The following ALDH1A2 variants were observed in gnomAD, a reference collection of about 807,000 sequenced individuals.
ALDH1A2 encodes aldehyde dehydrogenase 1 family member A2.
A neutral mutation model predicts 60.3 loss-of-function variants in ALDH1A2; 27 were observed. The ratio of observed to expected loss-of-function variants is 0.45; its 90% CI spans 0.33 to 0.62. ALDH1A2 has a LOEUF of 0.62. Among genes scored for constraint, ALDH1A2 ranks in the 20% least tolerant of loss-of-function variants. ALDH1A2 has a pLI of 0.02. For synonymous variants in ALDH1A2, 289 were observed against 232.4 expected, an observed-to-expected ratio of 1.24 and a Z score of -2.21; for missense variants, 581 against 643.8, an observed-to-expected ratio of 0.90 and a Z score of 1.06.
intron 1 of ALDH1A2, among the ~76,000 whole-genome samples, chr15:58,036,250 T>C (rs2704219): frequency 0.057 from 8,577 of 151,534 alleles, 397 homozygotes; most frequent in African/African-American, 0.13. Flanking sequence ...ATATAATCAA[T>C]ACACTATCAA....
At chr15:58,010,156 AAT>A (rs1198499629) in intron 4 of ALDH1A2, among the ~76,000 whole-genome samples, 1 of 152,186 alleles carries the variant, frequency 6.6e-6, no homozygotes, top group African/African-American at 2.4e-5. Flanking sequence ...CCGTTCGAGA[AAT>A]ATAGAAAGTA....
At chr15:58,030,339 G>C (rs1896201519) in intron 1 of ALDH1A2, among the ~76,000 whole-genome samples, 1 of 151,986 alleles carries the variant, frequency 6.6e-6, no homozygotes, top group African/African-American at 2.4e-5. Flanking sequence ...AAATTCAACA[G>C]CTCTTCATGT....
intron 4 of ALDH1A2, among the ~76,000 whole-genome samples, chr15:57,997,639 A>G (rs1895109395): frequency 6.6e-6 from 1 of 152,026 alleles, no homozygotes; most frequent in African/African-American, 2.4e-5. Context: ...ATGCTTAGAC[A>G]TTTAGTTGTT....
Position 58,002,623 on chromosome 15 carries a change from G to A in ALDH1A2, c.494-7484C>T, listed in dbSNP as rs555866429. On this transcript the variant is annotated intron_variant, in intron 4 of 12. Coordinates refer to ENST00000249750, the MANE Select transcript of ALDH1A2 (RefSeq NM_003888.4). ...GAAATTGAGAAATTTGTCAAATATG[G>A]AAGTCAAATAGCTTCCAATTATAAC... 1.1e-4 allele frequency among the ~76,000 whole-genome samples: 16 copies of A among 151,978 alleles called. No individual in the cohort carries two copies. The South Asian group carries it at 3.1e-3, about 30-fold the overall frequency.
At chr15:58,014,053 C>T in intron 2 of ALDH1A2, 55 bp from the exon 3 acceptor site, 2 of 1,614,024 alleles carry the variant, frequency 1.2e-6, no homozygotes, top group African/African-American at 1.3e-5. Flanking sequence ...AAAGGAAGAA[C>T]CATCCACTGT....
At chr15:58,034,098 T>C (rs1037002017) in intron 1 of ALDH1A2, among the ~76,000 whole-genome samples, 1 of 151,750 alleles carries the variant, frequency 6.6e-6, no homozygotes, top group African/African-American at 2.4e-5. Flanking sequence ...ATCTTAATAA[T>C]TGAGGCTTCC....
chr15:57,955,222 A>C lies in ALDH1A2; in HGVS notation c.1532T>G (p.Val511Gly). ...REYSEVKTVT[V>G]KIPQKNS ...TTAGGAGTTCTTCTGGGGGATCTTT[A>C]CTGTCACCGTCTTAACTTCTGAGTA... The change falls in exon 13 of 13, where the codon GTA becomes GGA. Residue 511 changes from valine to glycine, a missense_variant. This residue lies in a region of ALDH1A2 where 375 missense variants were observed against 469.7 expected (regional missense o/e 0.80). Transcript: ENST00000249750. 1.9e-6 allele frequency: 3 copies of C among 1,613,938 alleles called. No homozygotes were observed. The highest frequency in any genetic ancestry group is 2.5e-6 in the Non-Finnish European group (3 of 1,179,990).
At chr15:58,005,617 GGTT>G (rs1379466534) in intron 4 of ALDH1A2, among the ~76,000 whole-genome samples, 1 of 151,878 alleles carries the variant, frequency 6.6e-6, no homozygotes, top group African/African-American at 2.4e-5. Flanking sequence ...CATTCTTTTT[GGTT>G]GTTTAGTGTT....
intron 1 of ALDH1A2, among the ~76,000 whole-genome samples, chr15:58,059,846 T>C (rs1304012295): frequency 6.6e-6 from 1 of 152,190 alleles, no homozygotes; most frequent in East Asian, 1.9e-4. Context: ...TGAACTCTTA[T>C]GAGTAATGCA....
intron 1 of ALDH1A2, among the ~76,000 whole-genome samples, chr15:58,033,799 T>G (rs1186964320): frequency 6.6e-6 from 1 of 151,416 alleles, no homozygotes; most frequent in African/African-American, 2.4e-5. Context: ...TTGACTACAT[T>G]TGTGTGAATG....
At chr15:58,009,914 T>A (rs1411526312) in intron 4 of ALDH1A2, among the ~76,000 whole-genome samples, 1 of 152,094 alleles carries the variant, frequency 6.6e-6, no homozygotes, top group Non-Finnish European at 1.5e-5. Flanking sequence ...CAAGCACAGA[T>A]AAAAATCTCT....
rs35255029 is a variant in ALDH1A2, at chr15:57,996,298, CCTCTCT to C, written c.494-1165_494-1160del. 3.6e-3 allele frequency among the ~76,000 whole-genome samples: 519 copies of C among 144,930 alleles called. 6 individuals are homozygous for C. Among genetic ancestry groups the C allele is most frequent in the African/African-American group, 0.012 (484 of 39,558 alleles). On this transcript the variant is annotated intron_variant, in intron 4 of 12. Coordinates refer to ENST00000249750, the MANE Select transcript of ALDH1A2 (RefSeq NM_003888.4). ...TTAAATAATTACATTAAAGTCTTGG[CCTCTCT>C]CTCTCTCTCTCTCTCTTACTCTCCC...
At chr15:57,959,909 C>T (rs1270521613) in intron 12 of ALDH1A2, among the ~76,000 whole-genome samples, 1 of 152,102 alleles carries the variant, frequency 6.6e-6, no homozygotes, top group Admixed American at 6.5e-5. Flanking sequence ...ACACACACTA[C>T]CGTTATTTTT....
At chr15:57,996,660 T>C (rs1372396475) in intron 4 of ALDH1A2, among the ~76,000 whole-genome samples, 4 of 151,978 alleles carry the variant, frequency 2.6e-5, no homozygotes, top group African/African-American at 9.7e-5. Context: ...GCAAAGACTA[T>C]CATTACAAAC....
chr15:57,961,990 G>T lies in ALDH1A2; in HGVS notation c.1251+22C>A, dbSNP rs750856194. The T allele has an allele frequency of 3.1e-6, 5 of 1,613,876 alleles. No individual in the cohort carries two copies. In the East Asian group the frequency reaches 6.7e-5, roughly 22 times the overall value. On this transcript the variant is annotated intron_variant, in intron 10 of 12. Coordinates refer to ENST00000249750, the MANE Select transcript of ALDH1A2 (RefSeq NM_003888.4). ...TGATCCCAAGAAAGATGTGGCTTTT[G>T]TAAGAACAGCATATTTGATACCTCC...
rs1317307175 is a variant in ALDH1A2, at chr15:58,001,132, G to GA, written c.494-5994dup. Among the ~76,000 whole-genome samples, 4 of 149,290 alleles carry GA rather than the reference G, an allele frequency of 2.7e-5. No individual in the cohort carries two copies. The Admixed American group carries it at 2.7e-4, about 10-fold the overall frequency. The stretch of plus-strand genomic sequence containing the variant: ...TCTCATTTTACACTCAAAACTCTCT[G>GA]AAAAAAATAGAGCAACTATCATTAT... On this transcript the variant is annotated intron_variant, in intron 4 of 12. Coordinates refer to ENST00000249750, the MANE Select transcript of ALDH1A2 (RefSeq NM_003888.4).
intron 1 of ALDH1A2, among the ~76,000 whole-genome samples, chr15:58,039,547 G>C (rs934111085): frequency 1.3e-5 from 2 of 151,600 alleles, no homozygotes; most frequent in African/African-American, 4.8e-5. Context: ...AATCAGCTTG[G>C]GAGTTTTACA....
At chr15:58,044,686 C>T (rs1248575784) in intron 1 of ALDH1A2, among the ~76,000 whole-genome samples, 3 of 151,990 alleles carry the variant, frequency 2.0e-5, no homozygotes, top group Admixed American at 2.0e-4. Flanking sequence ...TTACAATCCT[C>T]AAATAGAAAA....
chr15:58,017,502 A>C (rs1036939833), intron 1 of ALDH1A2, among the ~76,000 whole-genome samples: 11 of 152,200 alleles, frequency 7.2e-5, no homozygotes, highest in African/African-American at 2.7e-4. Context: ...TGAACCCTCA[A>C]ATTTCTCCAT....
Sources: allele counts gnomAD v4.1 joint callset (sites outside exome capture counted in the v4.1 genomes callset), GRCh38; gene constraint gnomAD v4.1.1; regional missense constraint gnomAD v4.1.1; transcripts MANE v1.5; gene names NCBI Gene and HGNC (gene_info 2026-07-23, HGNC 2026-07-21).